CPNE5: variants seen among roughly 807,000 people sequenced by gnomAD.
CPNE5 encodes the protein copine 5.
Under a neutral mutation model 81.1 loss-of-function variants are expected in CPNE5, and 42 were observed. That is an observed-to-expected ratio of 0.52 (90% CI 0.40 to 0.67). The LOEUF (loss-of-function observed/expected upper bound fraction) is 0.67. CPNE5 is among the 30% of genes least tolerant of loss of function. CPNE5 has a pLI of 0.00. For synonymous variants in CPNE5, 313 were observed against 321.5 expected, an observed-to-expected ratio of 0.97 and a Z score of 0.28; for missense variants, 612 against 815.5, an observed-to-expected ratio of 0.75 and a Z score of 3.04.
chr6:36,766,380 C>A lies in CPNE5; in HGVS notation c.738-1004G>T, dbSNP rs758065744. Among the ~76,000 whole-genome samples, 60 of 152,184 alleles carry A rather than the reference C, an allele frequency of 3.9e-4. No individual in the cohort carries two copies. The highest frequency in any genetic ancestry group is 8.2e-4 in the Non-Finnish European group (56 of 68,026). On this transcript the variant is annotated intron_variant, in intron 10 of 20. Transcript: ENST00000244751. The surrounding 1 kb of genome is among the most constrained non-coding windows in gnomAD (Gnocchi z 4.2). ...CATCCTCAGGACCAAGGGTAGGCGA[C>A]AGATCCACCGCAGCAGGGCAGAAAC...
At chr6:36,805,913 C>T (rs1770550195) in intron 3 of CPNE5, among the ~76,000 whole-genome samples, 1 of 152,172 alleles carries the variant, frequency 6.6e-6, no homozygotes, top group Non-Finnish European at 1.5e-5. Flanking sequence ...AGACTTGAAA[C>T]TTCTTTGGGG....
At chr6:36,830,861 G>A (rs1209751833) in intron 1 of CPNE5, among the ~76,000 whole-genome samples, 1 of 151,984 alleles carries the variant, frequency 6.6e-6, no homozygotes, top group Non-Finnish European at 1.5e-5. Flanking sequence ...TGTCCCATCA[G>A]CAAGTTTTAA....
At chr6:36,811,749 G>C (rs1266968896) in intron 3 of CPNE5, among the ~76,000 whole-genome samples, 1 of 152,056 alleles carries the variant, frequency 6.6e-6, no homozygotes, top group Non-Finnish European at 1.5e-5. Context: ...AGGGAGGCAG[G>C]GGCTACACAC....
intron 10 of CPNE5, among the ~76,000 whole-genome samples, chr6:36,771,559 G>A (rs1399187689): frequency 1.3e-5 from 2 of 152,236 alleles, no homozygotes; most frequent in African/African-American, 4.8e-5. Context: ...TGACCTGTCT[G>A]TCTCCCCACT....
chr6:36,744,663 C>T (rs958455297), intron 18 of CPNE5: 22 of 483,422 alleles, frequency 4.6e-5, no homozygotes, highest in Non-Finnish European at 7.5e-5. Context: ...AGCCTCCCCT[C>T]CCACTCCTTT....
chr6:36,741,970 A>G lies in CPNE5; in HGVS notation c.*298T>C, dbSNP rs368471426. ...CCGGGGGTGGGCGACAGGGACCCCA[A>G]TCACCCTTATTGTTTACACCTTCCT... is the stretch of plus-strand genomic sequence containing the variant. On this transcript the variant is annotated 3_prime_UTR_variant, in exon 21 of 21. Coordinates refer to ENST00000244751, the MANE Select transcript of CPNE5 (RefSeq NM_020939.2). 1.6e-5 allele frequency: 6 copies of G among 367,302 alleles called. No individual in the cohort carries two copies. In the East Asian group the frequency reaches 1.7e-4, roughly 11 times the overall value. 22.8% of individuals were successfully genotyped at this position (367,302 alleles called of 1,614,324 possible).
intron 14 of CPNE5, 53 bp from the exon 15 acceptor site, chr6:36,748,320 G>A: frequency 1.3e-6 from 2 of 1,541,626 alleles, no homozygotes; most frequent in Non-Finnish European, 1.8e-6. Flanking sequence ...AGGGCTGTGG[G>A]AGGGGGGACA....
intron 1 of CPNE5, among the ~76,000 whole-genome samples, chr6:36,828,201 TC>T (rs1772670465): frequency 6.6e-6 from 1 of 150,702 alleles, no homozygotes; most frequent in Non-Finnish European, 1.5e-5. Context: ...GCACATGTAG[TC>T]TTAGCTACTC....
In CPNE5 at chr6:36,742,175, G is replaced by A; in HGVS notation, c.*93C>T. 1 of 970,276 alleles carries A rather than the reference G, an allele frequency of 1.0e-6. No homozygotes were observed. Among genetic ancestry groups the A allele is most frequent in the Non-Finnish European group, 1.5e-6 (1 of 662,878 alleles). 60.1% of individuals were successfully genotyped at this position (970,276 alleles called of 1,614,324 possible). A position where few individuals can be genotyped will look rare whatever the true frequency, so the allele number is the denominator to read the frequency against. On this transcript the variant is annotated 3_prime_UTR_variant, in exon 21 of 21. Transcript: ENST00000244751. ...TCCCAGGCACACAGATGTCCCAAAG[G>A]CCGGGCAGGCCAACTTCGGGGAGTC...
intron 8 of CPNE5, among the ~76,000 whole-genome samples, chr6:36,783,614 C>T (rs575609756): frequency 6.6e-6 from 1 of 152,318 alleles, no homozygotes; most frequent in South Asian, 2.1e-4. Flanking sequence ...AGCAATCCCC[C>T]TGCCTTAGGC....
chr6:36,799,072 C>T (rs1469938067), intron 4 of CPNE5, among the ~76,000 whole-genome samples: 1 of 152,150 alleles, frequency 6.6e-6, no homozygotes, highest in African/African-American at 2.4e-5. Flanking sequence ...TCACCTGGGG[C>T]CTGCTCACCG....
chr6:36,794,520 T>C, intron 7 of CPNE5, 70 bp downstream of exon 7: 4 of 1,442,032 alleles, frequency 2.8e-6, no homozygotes, highest in Non-Finnish European at 3.9e-6. Context: ...AGGCCCAGAC[T>C]CTGAGGCCCC....
chr6:36,744,155 C>T, intron 19 of CPNE5, 113 bp downstream of exon 19: 9 of 909,682 alleles, frequency 9.9e-6, no homozygotes, highest in Non-Finnish European at 1.6e-5. Context: ...AGCTCTCACT[C>T]TTTTGGGAGG....
intron 1 of CPNE5, among the ~76,000 whole-genome samples, chr6:36,838,950 T>A (rs942248989): frequency 6.6e-6 from 1 of 152,010 alleles, no homozygotes; most frequent in Non-Finnish European, 1.5e-5. Context: ...TGATCAGAGA[T>A]AGCCTGAGCA....
intron 10 of CPNE5, among the ~76,000 whole-genome samples, chr6:36,774,094 A>G (rs536447291): frequency 6.6e-4 from 101 of 151,906 alleles, no homozygotes; most frequent in African/African-American, 2.3e-3. Context: ...AAAAAAAAAA[A>G]AAAAATCTGC....
In CPNE5 at chr6:36,762,304, GCACACA is replaced by G. The variant is rs60481458; in HGVS notation, c.855+607_855+612del. Among the ~76,000 whole-genome samples the G allele has an allele frequency of 4.4e-4, 65 of 146,516 alleles. 1 individual carries two copies. The highest frequency in any genetic ancestry group is 1.2e-3 in the African/African-American group (49 of 39,534). On this transcript the variant is annotated intron_variant, in intron 12 of 20. Coordinates refer to ENST00000244751, the MANE Select transcript of CPNE5 (RefSeq NM_020939.2). Reference sequence around the variant, plus strand: ...CACGCACGCGCACACACACATACATGCACACACACACACACACGCATGCGCACACAC... The same window carrying G: ...CACGCACGCGCACACACACATACATGCACACACACACGCATGCGCACACAC...
At position 36,741,447 on chromosome 6, in the gene CPNE5, AGCC is replaced by A. The variant is rs1763581967; in HGVS notation, c.*818_*820del. 4 of 152,250 alleles carry A rather than the reference AGCC, an allele frequency of 2.6e-5. No individual in the cohort carries two copies. The highest frequency in any genetic ancestry group is 1.5e-5 in the Non-Finnish European group (1 of 68,094). 9.4% of individuals were successfully genotyped at this position (152,250 alleles called of 1,614,324 possible). A position where few individuals can be genotyped will look rare whatever the true frequency, so the allele number is the denominator to read the frequency against. ...GGAGCAGTGTGGGAACGTGGGGCTG[AGCC>A]ACTCCTTACTCAGGCCTCCAGATGG... On this transcript the variant is annotated 3_prime_UTR_variant, in exon 21 of 21. Transcript: ENST00000244751.
chr6:36,788,226 C>CG (rs143979934), intron 8 of CPNE5, among the ~76,000 whole-genome samples: 4,901 of 148,470 alleles, frequency 0.033, 149 homozygotes, highest in Admixed American at 0.08. Context: ...TAGAGATGGT[C>CG]GGGGGGGGGT....
rs1766565201 is a variant in CPNE5, at chr6:36,766,363, G to A, written c.738-987C>T. 6.6e-6 allele frequency among the ~76,000 whole-genome samples: 1 copy of A among 152,228 alleles called. No homozygotes were observed. Among genetic ancestry groups the A allele is most frequent in the South Asian group, 2.1e-4 (1 of 4,836 alleles). The stretch of plus-strand genomic sequence containing the variant: ...GTCTCCTTTCAGATGAGCATCCTCA[G>A]GACCAAGGGTAGGCGACAGATCCAC... On this transcript the variant is annotated intron_variant, in intron 10 of 20. Coordinates refer to ENST00000244751, the MANE Select transcript of CPNE5 (RefSeq NM_020939.2). The surrounding 1 kb of genome is among the most constrained non-coding windows in gnomAD (Gnocchi z 4.2).
Sources: allele counts gnomAD v4.1 joint callset (sites outside exome capture counted in the v4.1 genomes callset), GRCh38; gene constraint gnomAD v4.1.1; non-coding constraint Gnocchi (gnomAD v3.1); transcripts MANE v1.5; gene names NCBI Gene and HGNC (gene_info 2026-07-23, HGNC 2026-07-21).